PTPRD: variants seen among roughly 807,000 people sequenced by gnomAD.
The protein encoded by PTPRD is protein tyrosine phosphatase receptor type D.
In PTPRD, 34 loss-of-function variants were observed where a neutral mutation model predicts 214.5. The ratio of observed to expected loss-of-function variants is 0.16; its 90% CI spans 0.12 to 0.21. PTPRD has a LOEUF of 0.21. Ranked by LOEUF, PTPRD falls within the 10% of genes least tolerant of loss-of-function variation. The pLI is 1.00. For missense variants in PTPRD, 2,545 were observed against 2,398.7 expected, an observed-to-expected ratio of 1.06 and a Z score of -1.27; for synonymous variants, 1,128 against 845.7, an observed-to-expected ratio of 1.33 and a Z score of -5.79.
In PTPRD at chr9:9,830,845, T is replaced by C. The variant is rs895573831; in HGVS notation, c.-367-63994A>G. 2.0e-5 allele frequency among the ~76,000 whole-genome samples: 3 copies of C among 151,916 alleles called. No individual in the cohort carries two copies. In the Admixed American group the frequency reaches 2.0e-4, roughly 10 times the overall value. On this transcript the variant is annotated intron_variant, in intron 5 of 45. Transcript: ENST00000381196. ...TTTCTAGCCTTGTTTTCAAAATCTA[T>C]CCAATATATTCCTTTTCTACTTAAT...
At chr9:8,958,739 A>G (rs1360612621) in intron 11 of PTPRD, 1 of 152,028 alleles carries the variant, frequency 6.6e-6, no homozygotes, top group African/African-American at 2.4e-5. Flanking sequence ...GAAGAGAAAG[A>G]GTCTCTCAGC....
intron 3 of PTPRD, among the ~76,000 whole-genome samples, chr9:10,301,758 A>T (rs2095868578): frequency 1.3e-5 from 2 of 152,228 alleles, no homozygotes; most frequent in Admixed American, 6.5e-5. Context: ...ACTCCAGGAA[A>T]TATGGGACTA....
intron 37 of PTPRD, among the ~76,000 whole-genome samples, chr9:8,384,366 G>A (rs117287829): frequency 2.8e-4 from 42 of 151,974 alleles, no homozygotes; most frequent in Non-Finnish European, 4.4e-4. Flanking sequence ...AATGAACTAC[G>A]CAAAACTTGA....
At chr9:9,287,980 T>A (rs150706608) in intron 9 of PTPRD, among the ~76,000 whole-genome samples, 1 of 151,862 alleles carries the variant, frequency 6.6e-6, no homozygotes, top group Non-Finnish European at 1.5e-5. Context: ...AAGCAAAATG[T>A]TTGGAAGCAA....
At chr9:9,665,178 G>A (rs184602426) in intron 7 of PTPRD, among the ~76,000 whole-genome samples, 269 of 151,786 alleles carry the variant, frequency 1.8e-3, no homozygotes, top group Admixed American at 4.4e-3. Flanking sequence ...ATAGAAAATA[G>A]TCTTCTGACT....
chr9:10,362,958 G>C (rs951492804), intron 2 of PTPRD, among the ~76,000 whole-genome samples: 21 of 152,248 alleles, frequency 1.4e-4, no homozygotes, highest in African/African-American at 4.8e-4. Flanking sequence ...ACAATGACTA[G>C]TATAGAACAG....
At chr9:8,713,232 AAACT>A in intron 12 of PTPRD, 1 of 613,464 alleles carries the variant, frequency 1.6e-6, no homozygotes, top group Non-Finnish European at 2.9e-6. Flanking sequence ...GTTCGCTCCT[AAACT>A]GAGTCTCCAA....
chr9:8,454,875 C>A (rs999281708), intron 33 of PTPRD, among the ~76,000 whole-genome samples: 4 of 150,950 alleles, frequency 2.6e-5, no homozygotes, highest in African/African-American at 9.8e-5. Flanking sequence ...TTATCCATCA[C>A]CTATAAAATA....
chr9:10,338,650 A>C (rs993441040), intron 3 of PTPRD, among the ~76,000 whole-genome samples: 1 of 151,748 alleles, frequency 6.6e-6, no homozygotes, highest in Non-Finnish European at 1.5e-5. Flanking sequence ...TTATATATAG[A>C]ATTTACTTGA....
chr9:9,569,871 T>A (rs922361886), intron 8 of PTPRD, among the ~76,000 whole-genome samples: 1 of 151,540 alleles, frequency 6.6e-6, no homozygotes, highest in Non-Finnish European at 1.5e-5. Context: ...ATAGGAATAA[T>A]CTGTCCAAAG....
chr9:9,058,569 C>T (rs2099701038), intron 10 of PTPRD, among the ~76,000 whole-genome samples: 3 of 148,790 alleles, frequency 2.0e-5, no homozygotes, highest in Middle Eastern at 3.4e-3. Context: ...CCTGCCTCAG[C>T]CTCCCGAGTA....
At position 9,754,219 on chromosome 9, in the gene PTPRD, G is replaced by A. The variant is rs1251554691; in HGVS notation, c.-326+12591C>T. 2.0e-5 allele frequency among the ~76,000 whole-genome samples: 3 copies of A among 152,074 alleles called. No individual in the cohort carries two copies. The East Asian group carries it at 5.8e-4, about 29-fold the overall frequency. Reference sequence around the variant, plus strand: ...GGAATGAAAGAGTCTTTGAAAAACAGGGACTATCTTTAATATGACTTCCTG... The same window carrying A: ...GGAATGAAAGAGTCTTTGAAAAACAAGGACTATCTTTAATATGACTTCCTG... On this transcript the variant is annotated intron_variant, in intron 6 of 45. Transcript: ENST00000381196.
At chr9:10,343,028 G>A (rs1263537012) in intron 2 of PTPRD, among the ~76,000 whole-genome samples, 1 of 152,104 alleles carries the variant, frequency 6.6e-6, no homozygotes, top group African/African-American at 2.4e-5. Flanking sequence ...TGCACAACGT[G>A]CAGTTTTGAT....
At chr9:9,055,817 T>G (rs73641205) in intron 10 of PTPRD, among the ~76,000 whole-genome samples, 46 of 149,638 alleles carry the variant, frequency 3.1e-4, no homozygotes, top group African/African-American at 1.1e-3. Context: ...AGATTAAATA[T>G]TTAATATATT....
Position 8,484,540 on chromosome 9 carries a change from A to T in PTPRD, c.3154-162T>A, listed in dbSNP as rs984770477. On this transcript the variant is annotated intron_variant, in intron 29 of 45. Coordinates refer to ENST00000381196, the MANE Select transcript of PTPRD (RefSeq NM_002839.4). ...TAGTCATAATTCTGGAGATCACATCAATTTTCCTGTCATTTCCTACTGTGT... is the reference window on the plus strand; with the variant it reads ...TAGTCATAATTCTGGAGATCACATCTATTTTCCTGTCATTTCCTACTGTGT... Among the ~76,000 whole-genome samples, 5 of 152,098 alleles carry T rather than the reference A, an allele frequency of 3.3e-5. No homozygotes were observed. The East Asian group carries it at 9.6e-4, about 29-fold the overall frequency.
chr9:8,330,182 TAGCTCACCC>T (rs751311035), intron 44 of PTPRD, among the ~76,000 whole-genome samples: 3 of 152,094 alleles, frequency 2.0e-5, no homozygotes. Flanking sequence ...CACCCTGCTT[TAGCTCACCC>T]TTTGTGGGCT....
intron 2 of PTPRD, among the ~76,000 whole-genome samples, chr9:10,547,502 G>T (rs2060409865): frequency 6.6e-6 from 1 of 151,884 alleles, no homozygotes; most frequent in South Asian, 2.1e-4. Context: ...TGTGTTTAGA[G>T]CAACTTTGAC....
chr9:9,646,155 T>C (rs1240945200), intron 7 of PTPRD, among the ~76,000 whole-genome samples: 1 of 152,196 alleles, frequency 6.6e-6, no homozygotes, highest in East Asian at 1.9e-4. Flanking sequence ...CTAAATTACA[T>C]ATTTAGAAGT....
intron 3 of PTPRD, among the ~76,000 whole-genome samples, chr9:10,080,207 C>A (rs959670542): frequency 3.9e-5 from 6 of 152,122 alleles, no homozygotes; most frequent in African/African-American, 1.2e-4. Flanking sequence ...TACAAATCAT[C>A]ACCATTATAG....
Sources: gnomAD v4.1 joint callset for allele counts (sites outside exome capture counted in the v4.1 genomes callset) on GRCh38, gnomAD v4.1.1 for gene constraint, MANE v1.5 for transcripts, NCBI Gene and HGNC (gene_info 2026-07-23, HGNC 2026-07-21) for gene names.